THSD7A: variants seen among roughly 807,000 people sequenced by gnomAD.
The protein encoded by THSD7A is thrombospondin type-1 domain-containing protein 7A.
A neutral mutation model predicts 231.3 loss-of-function variants in THSD7A; 96 were observed. The observed-to-expected ratio is 0.41, with a 90% CI of 0.35 to 0.49. The LOEUF (loss-of-function observed/expected upper bound fraction) is 0.49. Ranked by LOEUF, THSD7A falls within the 20% of genes least tolerant of loss-of-function variation. The pLI is 0.05. For synonymous variants in THSD7A, 940 were observed against 743.3 expected (o/e 1.26, Z -4.30); for missense variants, 2,290 against 2,070.2 (o/e 1.11, Z -2.06).
chr7:11,543,640 G>A (rs1301037863), intron 4 of THSD7A, among the ~76,000 whole-genome samples: 1 of 152,118 alleles, frequency 6.6e-6, no homozygotes, highest in Non-Finnish European at 1.5e-5. Context: ...GCTACTCTCT[G>A]TACCCCCCAG....
intron 1 of THSD7A, among the ~76,000 whole-genome samples, chr7:11,654,675 A>T (rs1526550): frequency 0.46 from 70,056 of 151,754 alleles, 16,639 homozygotes; most frequent in African/African-American, 0.55. Context: ...AACTTAAAAA[A>T]TATATTAGTA....
chr7:11,398,875 T>G lies in THSD7A; in HGVS notation c.4411+2920A>C, dbSNP rs548730299. On this transcript the variant is annotated intron_variant, in intron 23 of 27. Transcript: ENST00000423059. ...TTAGACGGTAATTGACATTGTGGAC[T>G]TAAAGAGTAAAAAGCATGTATCAAA... Among the ~76,000 whole-genome samples, 5 of 152,286 alleles carry G rather than the reference T, an allele frequency of 3.3e-5. No individual in the cohort carries two copies. The South Asian group carries it at 6.2e-4, about 19-fold the overall frequency.
chr7:11,655,402 T>C (rs1782666422), intron 1 of THSD7A, among the ~76,000 whole-genome samples: 1 of 151,838 alleles, frequency 6.6e-6, no homozygotes, highest in South Asian at 2.1e-4. Flanking sequence ...CTACACCTAC[T>C]AGAGGTTTCT....
At chr7:11,621,965 T>C (rs1049659855) in intron 2 of THSD7A, among the ~76,000 whole-genome samples, 1 of 152,128 alleles carries the variant, frequency 6.6e-6, no homozygotes, top group Non-Finnish European at 1.5e-5. Flanking sequence ...CAGTCTTATT[T>C]TGTGCTTAGT....
At chr7:11,410,037 C>T (rs1005376533) in intron 19 of THSD7A, among the ~76,000 whole-genome samples, 1 of 152,094 alleles carries the variant, frequency 6.6e-6, no homozygotes, top group Admixed American at 6.5e-5. Context: ...CCACCCTACT[C>T]GGCTCAATAC....
intron 1 of THSD7A, among the ~76,000 whole-genome samples, chr7:11,683,229 G>T (rs1432955929): frequency 6.6e-6 from 1 of 151,604 alleles, no homozygotes; most frequent in African/African-American, 2.4e-5. Flanking sequence ...ACAAATACAT[G>T]GAAACGAAAC....
At chr7:11,828,621 C>T (rs1336670310) in intron 1 of THSD7A, among the ~76,000 whole-genome samples, 1 of 152,102 alleles carries the variant, frequency 6.6e-6, no homozygotes, top group East Asian at 1.9e-4. Context: ...GTGAGCTTCT[C>T]AATGGCAGGG....
At chr7:11,557,262 G>A (rs554136835) in intron 4 of THSD7A, among the ~76,000 whole-genome samples, 25 of 151,838 alleles carry the variant, frequency 1.6e-4, no homozygotes, top group African/African-American at 4.8e-4. Flanking sequence ...TGTTAGACCC[G>A]TATACAGAGT....
rs971072873 is a variant in THSD7A, at chr7:11,590,386, A to G, written c.1453+74T>C. 1.3e-6 allele frequency: 2 copies of G among 1,500,472 alleles called. No homozygotes were observed. Among genetic ancestry groups the G allele is most frequent in the African/African-American group, 1.4e-5 (1 of 71,918 alleles). 92.9% of individuals were successfully genotyped at this position (1,500,472 alleles called of 1,614,324 possible). A position where few individuals can be genotyped will look rare whatever the true frequency, so the allele number is the denominator to read the frequency against. On this transcript the variant is annotated intron_variant, in intron 4 of 27. Coordinates refer to ENST00000423059, the MANE Select transcript of THSD7A (RefSeq NM_015204.3). The surrounding 1 kb of genome is among the most constrained non-coding windows in gnomAD (Gnocchi z 4.4). ...GCCCTCATAACCTGGATGGCTGTGTATATATCCCTTCAGAGCAATCACATG... is the reference window on the plus strand; with the variant it reads ...GCCCTCATAACCTGGATGGCTGTGTGTATATCCCTTCAGAGCAATCACATG...
At chr7:11,386,986 GT>G (rs1457072136) in intron 23 of THSD7A, among the ~76,000 whole-genome samples, 1 of 152,026 alleles carries the variant, frequency 6.6e-6, no homozygotes, top group African/African-American at 2.4e-5. Flanking sequence ...CCCATTGATT[GT>G]TTTTGTCAGG....
At chr7:11,650,716 C>A (rs771346464) in intron 1 of THSD7A, among the ~76,000 whole-genome samples, 8 of 151,982 alleles carry the variant, frequency 5.3e-5, no homozygotes, top group Admixed American at 3.9e-4. Context: ...AAACTGGAAG[C>A]CACAAGAGTG....
intron 4 of THSD7A, among the ~76,000 whole-genome samples, chr7:11,566,300 G>A (rs1405606728): frequency 6.6e-6 from 1 of 152,218 alleles, no homozygotes; most frequent in East Asian, 1.9e-4. Context: ...CTGGGGTTTG[G>A]GGAGAGAGGT....
chr7:11,723,674 G>T (rs1300476532), intron 1 of THSD7A, among the ~76,000 whole-genome samples: 2 of 151,734 alleles, frequency 1.3e-5, no homozygotes, highest in African/African-American at 4.8e-5. Context: ...ATATATTTAG[G>T]AGATCAGGAG....
intron 13 of THSD7A, among the ~76,000 whole-genome samples, chr7:11,429,835 AAAG>A (rs2115426981): frequency 6.6e-6 from 1 of 152,338 alleles, no homozygotes; most frequent in South Asian, 2.1e-4. Flanking sequence ...GAGACAGGGA[AAAG>A]TTTTCTGAGG....
intron 6 of THSD7A, among the ~76,000 whole-genome samples, chr7:11,486,070 G>A (rs543680470): frequency 3.4e-4 from 51 of 152,194 alleles, no homozygotes; most frequent in African/African-American, 1.1e-3. Context: ...AAAAAGTTGG[G>A]TCAATGGCTA....
At chr7:11,823,046 G>A (rs1285753055) in intron 1 of THSD7A, among the ~76,000 whole-genome samples, 1 of 151,980 alleles carries the variant, frequency 6.6e-6, no homozygotes, top group African/African-American at 2.4e-5. Context: ...GTCCAGAAGA[G>A]TTTTCCATAG....
At chr7:11,823,542 G>A (rs1364845439) in intron 1 of THSD7A, among the ~76,000 whole-genome samples, 2 of 151,930 alleles carry the variant, frequency 1.3e-5, no homozygotes, top group Non-Finnish European at 2.9e-5. Context: ...AGATTTCTTT[G>A]GGCAGAACGG....
At chr7:11,459,914 T>C (rs1187184849) in intron 11 of THSD7A, among the ~76,000 whole-genome samples, 2 of 152,110 alleles carry the variant, frequency 1.3e-5, no homozygotes, top group Admixed American at 1.3e-4. Flanking sequence ...TGCTACATTT[T>C]AAATACGCAG....
chr7:11,644,928 T>C (rs556553258), intron 1 of THSD7A, among the ~76,000 whole-genome samples: 1 of 152,048 alleles, frequency 6.6e-6, no homozygotes, highest in East Asian at 1.9e-4. Context: ...CATTTTCATG[T>C]GACAGTATTT....
Sources: gnomAD v4.1 joint callset for allele counts (sites outside exome capture counted in the v4.1 genomes callset) on GRCh38, gnomAD v4.1.1 for gene constraint, Gnocchi (gnomAD v3.1) non-coding constraint, MANE v1.5 for transcripts, NCBI Gene and HGNC (gene_info 2026-07-23, HGNC 2026-07-21) for gene names.